The following CSMD1 variants were observed in gnomAD, a reference collection of about 807,000 sequenced individuals.
CSMD1 encodes CUB and Sushi multiple domains 1, also known as CUB and sushi domain-containing protein 1.
Under a neutral mutation model 417.5 loss-of-function variants are expected in CSMD1, and 213 were observed. The observed-to-expected ratio is 0.51, with a 90% CI of 0.46 to 0.57. The LOEUF (loss-of-function observed/expected upper bound fraction) is 0.57, where lower values mean the gene tolerates loss of function less well. Among genes scored for constraint, CSMD1 ranks in the 20% least tolerant of loss-of-function variants. The probability of loss-of-function intolerance (pLI) is 0.00; values close to 1 mark genes in which losing one functional copy is unlikely to be tolerated. For synonymous variants in CSMD1, 2,862 were observed against 1,736.8 expected (o/e 1.65, Z -16.11); for missense variants, 6,923 against 4,529.7 (o/e 1.53, Z -15.17).
chr8:4,959,841 C>A (rs1015235724), intron 1 of CSMD1, among the ~76,000 whole-genome samples: 12 of 152,196 alleles, frequency 7.9e-5, no homozygotes, highest in African/African-American at 1.9e-4. Flanking sequence ...AACCATTTAA[C>A]AGTCTCTGTG....
chr8:3,926,967 G>A (rs538980055), intron 5 of CSMD1, among the ~76,000 whole-genome samples: 179 of 151,984 alleles, frequency 1.2e-3, no homozygotes, highest in African/African-American at 4.1e-3. Context: ...ACCCACCTCG[G>A]CCTCCCAAAG....
In CSMD1 at chr8:4,039,322, G is replaced by A. The variant is rs59606025; in HGVS notation, c.416-7223C>T. ...TCTATGTAAACCAACGATATCAAAT[G>A]TGTTTGTTTTGGACTATTTGCTGCT... On this transcript the variant is annotated intron_variant, in intron 3 of 69. Coordinates refer to ENST00000635120, the MANE Select transcript of CSMD1 (RefSeq NM_033225.6). 8.5e-3 allele frequency among the ~76,000 whole-genome samples: 1,301 copies of A among 152,206 alleles called. 21 individuals carry two copies. Among genetic ancestry groups the A allele is most frequent in the African/African-American group, 0.03 (1,246 of 41,522 alleles).
chr8:4,038,994 C>G (rs1409836538), intron 3 of CSMD1, among the ~76,000 whole-genome samples: 1 of 152,138 alleles, frequency 6.6e-6, no homozygotes, highest in Non-Finnish European at 1.5e-5. Context: ...CCAGCTGTTT[C>G]AATGGTTAAG....
intron 1 of CSMD1, among the ~76,000 whole-genome samples, chr8:4,687,059 C>A (rs575067492): frequency 6.6e-6 from 1 of 152,206 alleles, no homozygotes; most frequent in South Asian, 2.1e-4. Context: ...TCTTCTGAGG[C>A]TGAGCTTCAG....
chr8:3,485,317 T>G (rs916556364), intron 11 of CSMD1, among the ~76,000 whole-genome samples: 1 of 152,120 alleles, frequency 6.6e-6, no homozygotes, highest in African/African-American at 2.4e-5. Context: ...TGCTTCTAAT[T>G]ATATAACATT....
intron 1 of CSMD1, among the ~76,000 whole-genome samples, chr8:4,738,212 G>T (rs576750420): frequency 1.2e-4 from 18 of 152,072 alleles, no homozygotes; most frequent in African/African-American, 4.1e-4. Flanking sequence ...TATTAAAAAA[G>T]AATGTCCCTA....
intron 39 of CSMD1, among the ~76,000 whole-genome samples, chr8:3,151,737 C>T (rs1429470970): frequency 6.6e-6 from 1 of 152,156 alleles, no homozygotes; most frequent in Admixed American, 6.6e-5. Context: ...TTTTCAAGAT[C>T]CATCTTCTCC....
intron 10 of CSMD1, among the ~76,000 whole-genome samples, chr8:3,512,237 A>T (rs988702755): frequency 6.6e-6 from 1 of 152,238 alleles, no homozygotes; most frequent in Admixed American, 6.5e-5. Context: ...GTCCACGTGC[A>T]GAACCATGCT....
chr8:3,507,850 GTTGT>G (rs769275728), intron 10 of CSMD1, among the ~76,000 whole-genome samples: 31 of 152,124 alleles, frequency 2.0e-4, no homozygotes, highest in African/African-American at 5.5e-4. Context: ...TTTTGATGGG[GTTGT>G]TTGTTTTTTT....
chr8:3,361,568 C>T (rs992462801), intron 20 of CSMD1, among the ~76,000 whole-genome samples: 11 of 142,156 alleles, frequency 7.7e-5, no homozygotes, highest in Non-Finnish European at 1.7e-4. Flanking sequence ...AGAAGAATCG[C>T]TTGAACCCTG....
chr8:4,166,968 G>T (rs960702385), intron 3 of CSMD1, among the ~76,000 whole-genome samples: 3 of 152,222 alleles, frequency 2.0e-5, no homozygotes, highest in Non-Finnish European at 4.4e-5. Flanking sequence ...ACATGCTGAA[G>T]GCACTGTGCT....
intron 29 of CSMD1, among the ~76,000 whole-genome samples, chr8:3,216,932 C>T (rs1797914173): frequency 6.6e-6 from 1 of 152,274 alleles, no homozygotes; most frequent in South Asian, 2.1e-4. Flanking sequence ...ACAATGACAT[C>T]ACTGCACCAG....
chr8:2,997,551 A>C (rs968235259), intron 54 of CSMD1, among the ~76,000 whole-genome samples: 1 of 152,228 alleles, frequency 6.6e-6, no homozygotes, highest in Admixed American at 6.5e-5. Flanking sequence ...ACATCTAGAA[A>C]TGCAAAAAAG....
chr8:3,734,078 G>C (rs1055348536), intron 6 of CSMD1, among the ~76,000 whole-genome samples: 25 of 152,210 alleles, frequency 1.6e-4, no homozygotes, highest in Non-Finnish European at 2.9e-4. Flanking sequence ...GAATTTTTAA[G>C]TGAACTTCTT....
At chr8:4,775,391 G>C (rs144727348) in intron 1 of CSMD1, among the ~76,000 whole-genome samples, 3 of 152,240 alleles carry the variant, frequency 2.0e-5, no homozygotes, top group Admixed American at 6.5e-5. Flanking sequence ...AGTGTTTAGA[G>C]TTTATAAACT....
At chr8:3,758,112 G>T (rs10104326) in intron 5 of CSMD1, among the ~76,000 whole-genome samples, 10 of 151,968 alleles carry the variant, frequency 6.6e-5, no homozygotes, top group Admixed American at 2.6e-4. Context: ...TACAGGCACC[G>T]GCCACCACAC....
chr8:3,865,390 T>G (rs962790219), intron 5 of CSMD1, among the ~76,000 whole-genome samples: 4 of 152,116 alleles, frequency 2.6e-5, no homozygotes, highest in Admixed American at 2.0e-4. Flanking sequence ...ATTCCCTCAG[T>G]CCCTGGGCTC....
intron 17 of CSMD1, among the ~76,000 whole-genome samples, chr8:3,390,139 G>C (rs145791369): frequency 3.3e-5 from 5 of 151,940 alleles, no homozygotes; most frequent in African/African-American, 1.2e-4. Flanking sequence ...TGGATCACCT[G>C]ATGTCAGGAG....
At position 2,949,381 on chromosome 8, in the gene CSMD1, T is replaced by C. The variant is rs1355034057; in HGVS notation, c.10320A>G (p.Ser3440=). Residue 3440 remains serine (S), a synonymous_variant, in exon 68 of 70, where the codon TCA becomes TCG. Transcript: ENST00000635120. ...TAAATCCTCCTCTTTCAAGTCCAGATGACACCTGACACATAGGAAAGAAAA... is the reference window on the plus strand; with the variant it reads ...TAAATCCTCCTCTTTCAAGTCCAGACGACACCTGACACATAGGAAAGAAAA... ...NDNWGLDGYV[S]SGLERGGFTF... is the part of the protein sequence containing the mutation. 2.1e-6 allele frequency: 3 copies of C among 1,461,578 alleles called. No homozygotes were observed. The African/African-American group carries it at 4.4e-5, about 22-fold the overall frequency. 90.5% of individuals were successfully genotyped at this position (1,461,578 alleles called of 1,614,324 possible).
Sources: gnomAD v4.1 joint callset for allele counts (sites outside exome capture counted in the v4.1 genomes callset) on GRCh38, gnomAD v4.1.1 for gene constraint, MANE v1.5 for transcripts, NCBI Gene and HGNC (gene_info 2026-07-23, HGNC 2026-07-21) for gene names.